LPP: variants seen among roughly 807,000 people sequenced by gnomAD.
The protein encoded by LPP is LIM domain containing preferred translocation partner in lipoma.
Under a neutral mutation model 60.4 loss-of-function variants are expected in LPP, and 38 were observed. The observed-to-expected ratio is 0.63, with a 90% confidence interval of 0.49 to 0.83. LPP has a LOEUF of 0.83. Among genes scored for constraint, LPP ranks in the 40% least tolerant of loss-of-function variants. LPP has a pLI of 0.00. For synonymous variants in LPP, 328 were observed against 290.8 expected, an observed-to-expected ratio of 1.13 and a Z score of -1.30; for missense variants, 902 against 783.6, an observed-to-expected ratio of 1.15 and a Z score of -1.80.
At chr3:188,849,248 A>G (rs899325761) in intron 9 of LPP, among the ~76,000 whole-genome samples, 1 of 152,218 alleles carries the variant, frequency 6.6e-6, no homozygotes, top group Non-Finnish European at 1.5e-5. Context: ...CCCTTTGGCC[A>G]GAACAAAGTT....
intron 3 of LPP, among the ~76,000 whole-genome samples, chr3:188,350,534 C>G (rs887089483): frequency 6.6e-6 from 1 of 152,122 alleles, no homozygotes; most frequent in African/African-American, 2.4e-5. Flanking sequence ...TTGGTGAACC[C>G]TAGACTCTAT....
At chr3:188,222,021 C>T (rs935637408) in intron 1 of LPP, among the ~76,000 whole-genome samples, 4 of 152,090 alleles carry the variant, frequency 2.6e-5, no homozygotes, top group African/African-American at 9.7e-5. Flanking sequence ...CTTCTCCGTT[C>T]CTCAGTTTCT....
chr3:188,647,131 C>T (rs2148908025), intron 7 of LPP, among the ~76,000 whole-genome samples: 1 of 152,354 alleles, frequency 6.6e-6, no homozygotes, highest in South Asian at 2.1e-4. Context: ...CACTTCTACT[C>T]TGGATTTCCC....
chr3:188,158,094 A>G (rs1397004214), intron 1 of LPP, among the ~76,000 whole-genome samples: 5 of 152,076 alleles, frequency 3.3e-5, no homozygotes, highest in Non-Finnish European at 7.4e-5. Flanking sequence ...CTCTAGCGTC[A>G]TCTCTGTGGG....
At chr3:188,204,079 A>G (rs1318534477) in intron 1 of LPP, among the ~76,000 whole-genome samples, 2 of 152,138 alleles carry the variant, frequency 1.3e-5, no homozygotes, top group Admixed American at 6.5e-5. Context: ...ACCATACCCC[A>G]ATCAGAAAAC....
intron 10 of LPP, among the ~76,000 whole-genome samples, chr3:188,872,217 T>C (rs1467724477): frequency 6.6e-6 from 1 of 152,130 alleles, no homozygotes; most frequent in East Asian, 1.9e-4. Context: ...AAGGCAAAGA[T>C]ACCAACCTCA....
At chr3:188,251,575 A>G (rs572342147) in intron 2 of LPP, among the ~76,000 whole-genome samples, 2 of 152,264 alleles carry the variant, frequency 1.3e-5, no homozygotes, top group East Asian at 1.9e-4. Flanking sequence ...GGGTGCATAT[A>G]CAAATATGTA....
chr3:188,745,945 C>T (rs757207030), intron 8 of LPP, among the ~76,000 whole-genome samples: 2 of 152,112 alleles, frequency 1.3e-5, no homozygotes, highest in South Asian at 2.1e-4. Flanking sequence ...ATGGTAGAGC[C>T]GACCCATGTC....
rs1383268065 is a variant in LPP at position 188,878,758 on chromosome 3, G to C, written c.*4279G>C. The C allele has an allele frequency of 7.0e-5, 5 of 71,640 alleles. No homozygotes were observed. Among genetic ancestry groups the C allele is most frequent in the East Asian group, 1.5e-4 (1 of 6,644 alleles). 4.4% of individuals were successfully genotyped at this position (71,640 alleles called of 1,614,324 possible). A position where few individuals can be genotyped will look rare whatever the true frequency, so the allele number is the denominator to read the frequency against. On this transcript the variant is annotated 3_prime_UTR_variant, in exon 12 of 12. Coordinates refer to ENST00000617246, the MANE Select transcript of LPP (RefSeq NM_001375462.1). ...AATATACTCACCAAAAAGTAAAAAA[G>C]TAAAAAAAAAAAAAAAAGAAAGAAA... is the stretch of plus-strand genomic sequence containing the variant.
At chr3:188,175,325 G>A (rs948875169) in intron 1 of LPP, among the ~76,000 whole-genome samples, 1 of 152,066 alleles carries the variant, frequency 6.6e-6, no homozygotes, top group African/African-American at 2.4e-5. Context: ...CTGACCTCAA[G>A]TGAGCCGCCT....
intron 8 of LPP, among the ~76,000 whole-genome samples, chr3:188,731,518 T>TTTGTTTTG (rs1720537130): frequency 6.6e-6 from 1 of 151,170 alleles, no homozygotes; most frequent in African/African-American, 2.4e-5. Context: ...TTTTGTTTTT[T>TTTGTTTTG]TTGTTTTGTT....
chr3:188,867,498 C>T (rs949672174), intron 10 of LPP, among the ~76,000 whole-genome samples: 1 of 151,902 alleles, frequency 6.6e-6, no homozygotes, highest in Non-Finnish European at 1.5e-5. Context: ...CATGCACCAC[C>T]ATGCCCAGCT....
intron 8 of LPP, among the ~76,000 whole-genome samples, chr3:188,752,724 C>T (rs949314058): frequency 2.0e-5 from 3 of 152,146 alleles, no homozygotes; most frequent in Admixed American, 1.3e-4. Context: ...AATATATCTC[C>T]TGGGAGATTT....
intron 7 of LPP, among the ~76,000 whole-genome samples, chr3:188,694,611 A>G (rs912367587): frequency 6.6e-6 from 1 of 151,990 alleles, no homozygotes; most frequent in Admixed American, 6.6e-5. Context: ...CTGAGGCAGG[A>G]GAATCACTTG....
At chr3:188,177,835 A>G (rs1223146896) in intron 1 of LPP, among the ~76,000 whole-genome samples, 1 of 152,044 alleles carries the variant, frequency 6.6e-6, no homozygotes, top group East Asian at 1.9e-4. Context: ...TGCCCTGAGG[A>G]CTCTGGGAGG....
intron 1 of LPP, among the ~76,000 whole-genome samples, chr3:188,216,279 T>G (rs895307376): frequency 1.3e-5 from 2 of 149,296 alleles, no homozygotes; most frequent in African/African-American, 4.9e-5. Flanking sequence ...CTTCCTTTTT[T>G]TTTTTTTTTT....
chr3:188,160,382 T>C (rs1717888293), intron 1 of LPP, among the ~76,000 whole-genome samples: 1 of 150,824 alleles, frequency 6.6e-6, no homozygotes, highest in Non-Finnish European at 1.5e-5. Context: ...TTTGTGGAGA[T>C]GGGGTTTCAC....
intron 8 of LPP, among the ~76,000 whole-genome samples, chr3:188,724,058 A>T (rs567352566): frequency 7.9e-5 from 12 of 152,254 alleles, no homozygotes; most frequent in African/African-American, 2.9e-4. Flanking sequence ...AACCATTCTC[A>T]CTAATGATTC....
intron 6 of LPP, among the ~76,000 whole-genome samples, chr3:188,570,761 G>C (rs1247553359): frequency 6.6e-6 from 1 of 151,750 alleles, no homozygotes. Context: ...TTCTCAACAG[G>C]AAAGCAATAG....
Sources: gnomAD v4.1 joint callset for allele counts (sites outside exome capture counted in the v4.1 genomes callset) on GRCh38, gnomAD v4.1.1 for gene constraint, MANE v1.5 for transcripts, NCBI Gene and HGNC (gene_info 2026-07-23, HGNC 2026-07-21) for gene names.